MICAL2: variants seen among roughly 807,000 people sequenced by gnomAD.
MICAL2 encodes the protein microtubule associated monooxygenase, calponin and LIM domain containing 2, also known as [F-actin]-monooxygenase MICAL2.
In MICAL2, 77 loss-of-function variants were observed where a neutral mutation model predicts 127.3. The ratio of observed to expected loss-of-function variants is 0.60; its 90% confidence interval spans 0.50 to 0.73. The LOEUF (loss-of-function observed/expected upper bound fraction) is 0.73. MICAL2 is among the 30% of genes least tolerant of loss of function. The pLI, the probability that MICAL2 is intolerant of heterozygous loss-of-function variation, is 0.00. For synonymous variants in MICAL2, 570 were observed against 551.1 expected (o/e 1.03, Z -0.48); for missense variants, 1,351 against 1,434.4 (o/e 0.94, Z 0.94).
intron 1 of MICAL2, among the ~76,000 whole-genome samples, chr11:12,116,126 G>A (rs542933444): frequency 3.1e-5 from 4 of 129,798 alleles, no homozygotes; most frequent in East Asian, 4.6e-4. Flanking sequence ...ACAGGCATCC[G>A]CCACCATGCC....
At chr11:12,144,614 T>C (rs1206774293) in intron 2 of MICAL2, among the ~76,000 whole-genome samples, 1 of 152,130 alleles carries the variant, frequency 6.6e-6, no homozygotes, top group African/African-American at 2.4e-5. Context: ...CAACCATAAA[T>C]TGCAACGGTT....
downstream of MICAL2, among the ~76,000 whole-genome samples, chr11:12,289,968 C>T (rs976547235): frequency 2.6e-5 from 4 of 152,236 alleles, no homozygotes; most frequent in Admixed American, 6.5e-5. Context: ...GGTTAAGTAA[C>T]TTGCTCAGAG....
upstream of MICAL2, among the ~76,000 whole-genome samples, chr11:12,275,413 GAAGAA>G (rs1303804086): frequency 6.6e-6 from 1 of 152,190 alleles, no homozygotes. Context: ...TGTAGACAGA[GAAGAA>G]AAGAGGTTCA....
chr11:12,229,640 A>G lies in MICAL2; in HGVS notation c.1995+2509A>G, dbSNP rs546986722. On this transcript the variant is annotated intron_variant, in intron 15 of 27. Transcript: ENST00000683283. ...TCACCACACCTCTATTTACAGAGTG[A>G]CAGAATTGAAACAGCCTGGCCAGCA... Among the ~76,000 whole-genome samples, 12 of 152,340 alleles carry G rather than the reference A, an allele frequency of 7.9e-5. No homozygotes were observed. The South Asian group carries it at 1.0e-3, about 13-fold the overall frequency.
chr11:12,261,076 A>C, intron 26 of MICAL2: 1 of 985,540 alleles, frequency 1.0e-6, no homozygotes, highest in African/African-American at 1.7e-5. Flanking sequence ...TGCAGGGTCC[A>C]TATTGGTCAG....
chr11:12,275,262 C>T (rs139964668), upstream of MICAL2, among the ~76,000 whole-genome samples: 137 of 152,204 alleles, frequency 9.0e-4, no homozygotes, highest in African/African-American at 3.2e-3. Context: ...CTGTTAGACA[C>T]GTAGACGGAG....
At chr11:12,134,748 G>A (rs1222714217) in intron 1 of MICAL2, among the ~76,000 whole-genome samples, 1 of 152,188 alleles carries the variant, frequency 6.6e-6, no homozygotes, top group Admixed American at 6.5e-5. Flanking sequence ...CCAACACTTT[G>A]GGAGGCTGAG....
chr11:12,124,162 T>G (rs1850724986), intron 1 of MICAL2, among the ~76,000 whole-genome samples: 1 of 152,158 alleles, frequency 6.6e-6, no homozygotes, highest in South Asian at 2.1e-4. Context: ...AAGTTTCAAC[T>G]TGTTAAATTC....
chr11:12,316,056 C>T (rs1245262430), intron 29 of MICAL2, among the ~76,000 whole-genome samples: 1 of 151,924 alleles, frequency 6.6e-6, no homozygotes, highest in Non-Finnish European at 1.5e-5. Context: ...TGTTAATATT[C>T]CTGGTCCACA....
intron 29 of MICAL2, among the ~76,000 whole-genome samples, chr11:12,306,817 A>G (rs4288735): frequency 0.06 from 9,171 of 152,234 alleles, 389 homozygotes; most frequent in East Asian, 0.14. Flanking sequence ...TTGCTAGTAG[A>G]ATTTCATTGT....
chr11:12,313,441 T>C (rs1864197904), intron 29 of MICAL2, among the ~76,000 whole-genome samples: 1 of 152,088 alleles, frequency 6.6e-6, no homozygotes, highest in African/African-American at 2.4e-5. Flanking sequence ...AATTTCTACA[T>C]GATTGTATTG....
At chr11:12,308,931 C>T (rs909358955) in intron 29 of MICAL2, among the ~76,000 whole-genome samples, 1 of 152,140 alleles carries the variant, frequency 6.6e-6, no homozygotes, top group African/African-American at 2.4e-5. Flanking sequence ...GTTTTAATCA[C>T]GAGTAATGAT....
chr11:12,347,106 C>T (rs551124656), intron 32 of MICAL2, among the ~76,000 whole-genome samples: 2 of 151,818 alleles, frequency 1.3e-5, no homozygotes, highest in African/African-American at 4.8e-5. Flanking sequence ...CCGTCTTCTT[C>T]CCCATTGCCT....
intron 33 of MICAL2, among the ~76,000 whole-genome samples, chr11:12,352,252 A>G (rs1939062172): frequency 6.6e-6 from 1 of 152,242 alleles, no homozygotes; most frequent in African/African-American, 2.4e-5. Flanking sequence ...TTAAAAGTGT[A>G]AAAAATTTAT....
rs189682523 is a variant in MICAL2, at chr11:12,182,845, A to T, written c.264+20426A>T. Among the ~76,000 whole-genome samples, 10 of 152,168 alleles carry T rather than the reference A, an allele frequency of 6.6e-5. No homozygotes were observed. The East Asian group carries it at 1.9e-3, about 29-fold the overall frequency. On this transcript the variant is annotated intron_variant, in intron 3 of 27. Coordinates refer to ENST00000683283, the MANE Select transcript of MICAL2 (RefSeq NM_001282663.2). The stretch of plus-strand genomic sequence containing the variant: ...TCATGGGTTGGGAATGTGTAGGCCG[A>T]TCCTCTGCTCACTGGAGTGCTTGCA...
intron 32 of MICAL2, among the ~76,000 whole-genome samples, chr11:12,330,825 GAGACAGAC>G (rs1312469157): frequency 2.4e-5 from 3 of 123,722 alleles, no homozygotes; most frequent in Non-Finnish European, 3.9e-5. Flanking sequence ...GAGAGAGGGA[GAGACAGAC>G]AGAGAGAGAG....
intron 1 of MICAL2, among the ~76,000 whole-genome samples, chr11:12,119,996 G>A (rs1426848580): frequency 6.6e-6 from 1 of 152,180 alleles, no homozygotes; most frequent in Non-Finnish European, 1.5e-5. Context: ...ATCAGTCTAA[G>A]GCAGCTGTGC....
rs74606780 is a variant in MICAL2, at chr11:12,256,145, C to G, written c.2955+395C>G. On this transcript the variant is annotated intron_variant, in intron 23 of 27. Transcript: ENST00000683283. The stretch of plus-strand genomic sequence containing the variant: ...GGAAAATAGCCCTTTGATTTGAATT[C>G]TCCCTTTCTCTAAACTGGGCTGCTC... The G allele has an allele frequency of 5.7e-3, 1,001 of 174,468 alleles. 9 individuals carry two copies. The highest frequency in any genetic ancestry group is 0.023 in the African/African-American group (961 of 42,448). 10.8% of individuals were successfully genotyped at this position (174,468 alleles called of 1,614,324 possible).
At chr11:12,188,995 C>G (rs932636798) in intron 3 of MICAL2, among the ~76,000 whole-genome samples, 1 of 152,098 alleles carries the variant, frequency 6.6e-6, no homozygotes, top group Non-Finnish European at 1.5e-5. Context: ...TTTTACACTT[C>G]CTCTCCCCTC....
Sources: allele counts gnomAD v4.1 joint callset (sites outside exome capture counted in the v4.1 genomes callset), GRCh38; gene constraint gnomAD v4.1.1; transcripts MANE v1.5; gene names NCBI Gene and HGNC (gene_info 2026-07-23, HGNC 2026-07-21).